MSRA: variants seen among roughly 807,000 people sequenced by gnomAD.
MSRA encodes mitochondrial peptide methionine sulfoxide reductase.
MSRA carries 54 observed loss-of-function variants against 31.3 expected under a neutral mutation model. The observed-to-expected ratio is 1.73, with a 90% CI of 1.39 to 2.17. The LOEUF is 2.17. MSRA is among the 30% of genes most tolerant of loss of function. MSRA has a pLI of 0.00. For synonymous variants in MSRA, 169 were observed against 116.5 expected (o/e 1.45, Z -2.90); for missense variants, 507 against 300.9 (o/e 1.69, Z -5.07).
chr8:10,356,465 A>G (rs1271810744), intron 5 of MSRA, among the ~76,000 whole-genome samples: 2 of 152,200 alleles, frequency 1.3e-5, no homozygotes, highest in Non-Finnish European at 2.9e-5. Context: ...CAATTCTTGT[A>G]ACAGCCACTT....
chr8:10,162,365 G>A (rs1272547707), intron 1 of MSRA, among the ~76,000 whole-genome samples: 2 of 152,304 alleles, frequency 1.3e-5, no homozygotes, highest in East Asian at 3.9e-4. Context: ...ATGGGAGTCT[G>A]GCCATCTGTA....
At chr8:10,390,931 G>A (rs938493013) in intron 5 of MSRA, among the ~76,000 whole-genome samples, 43 of 151,156 alleles carry the variant, frequency 2.8e-4, no homozygotes, top group African/African-American at 1.0e-3. Context: ...AGCCGAGATC[G>A]CGCCACTGCA....
Position 10,207,857 on chromosome 8 carries a change from G to C in MSRA, c.167G>C (p.Arg56Thr). 4 of 1,610,340 alleles carry C rather than the reference G, an allele frequency of 2.5e-6. No homozygotes were observed. The highest frequency in any genetic ancestry group is 3.4e-6 in the Non-Finnish European group (4 of 1,178,560). The change falls in exon 2 of 6, where the codon AGA becomes ACA. Residue 56 changes from arginine (R) to threonine (T), a missense_variant. By Grantham distance (71) the Arg-to-Thr change is moderately conservative. Transcript: ENST00000317173. ...VAAKHHVNGN[R>T]TVEPFPEGTQ... ...GCCAAACATCATGTCAATGGCAACA[G>C]AACAGTCGAACCTTTCCCAGAGGGA... is the stretch of plus-strand genomic sequence containing the variant.
At chr8:10,249,218 C>G (rs1253352016) in intron 3 of MSRA, among the ~76,000 whole-genome samples, 1 of 152,148 alleles carries the variant, frequency 6.6e-6, no homozygotes, top group Non-Finnish European at 1.5e-5. Flanking sequence ...AAAGAAAATG[C>G]AATGAAATCA....
chr8:10,175,304 C>T (rs1423093695), intron 1 of MSRA, among the ~76,000 whole-genome samples: 2 of 152,126 alleles, frequency 1.3e-5, no homozygotes, highest in East Asian at 1.9e-4. Context: ...AGCATGTAAC[C>T]GTATATGCTC....
rs1809334769 is a variant in MSRA at position 10,428,415 on chromosome 8, G to A, written c.*103G>A. On this transcript the variant is annotated 3_prime_UTR_variant, in exon 6 of 6. Transcript: ENST00000317173. ...AATCGTGGCATTTAAAGTGCACAAAGTACAAAGGAATTTATACAGATTGGG... is the reference window on the plus strand; with the variant it reads ...AATCGTGGCATTTAAAGTGCACAAAATACAAAGGAATTTATACAGATTGGG... The A allele has an allele frequency of 8.0e-7, 1 of 1,251,398 alleles. No individual in the cohort carries two copies. Among genetic ancestry groups the A allele is most frequent in the Non-Finnish European group, 1.1e-6 (1 of 891,250 alleles). 77.5% of individuals were successfully genotyped at this position (1,251,398 alleles called of 1,614,324 possible). A position where few individuals can be genotyped will look rare whatever the true frequency, so the allele number is the denominator to read the frequency against.
chr8:10,184,949 G>A (rs1270725415), intron 1 of MSRA, among the ~76,000 whole-genome samples: 1 of 152,188 alleles, frequency 6.6e-6, no homozygotes, highest in African/African-American at 2.4e-5. Flanking sequence ...AAATGATGTT[G>A]AATAAAACAT....
intron 1 of MSRA, among the ~76,000 whole-genome samples, chr8:10,130,596 TA>T (rs1265006530): frequency 1.1e-4 from 16 of 152,086 alleles, no homozygotes; most frequent in Non-Finnish European, 2.4e-4. Flanking sequence ...ACGGAAAAAA[TA>T]ATCTTGGCGT....
intron 5 of MSRA, among the ~76,000 whole-genome samples, chr8:10,387,090 GCTGCTGC>G (rs953310918): frequency 1.6e-4 from 25 of 152,128 alleles, no homozygotes; most frequent in Non-Finnish European, 2.6e-4. Context: ...GGCAGCTGCT[GCTGCTGC>G]CTGCTGCCTG....
chr8:10,408,880 G>A (rs992836320), intron 5 of MSRA, among the ~76,000 whole-genome samples: 2 of 152,182 alleles, frequency 1.3e-5, no homozygotes, highest in African/African-American at 4.8e-5. Flanking sequence ...TCTCCACATT[G>A]CTGCAAAAGA....
chr8:10,290,570 A>T (rs1224705701), intron 3 of MSRA, among the ~76,000 whole-genome samples: 1 of 152,196 alleles, frequency 6.6e-6, no homozygotes, highest in Non-Finnish European at 1.5e-5. Context: ...TGCATATGCC[A>T]GGCCTGCCCC....
intron 3 of MSRA, among the ~76,000 whole-genome samples, chr8:10,248,507 T>C (rs1348297432): frequency 1.3e-5 from 2 of 152,136 alleles, no homozygotes; most frequent in Non-Finnish European, 2.9e-5. Context: ...AACCATCGGC[T>C]CAAGTTTGCT....
intron 3 of MSRA, among the ~76,000 whole-genome samples, chr8:10,276,448 G>T (rs1325221352): frequency 6.6e-6 from 1 of 152,204 alleles, no homozygotes; most frequent in Non-Finnish European, 1.5e-5. Context: ...GACAATTCCG[G>T]CCTCACAATG....
intron 5 of MSRA, among the ~76,000 whole-genome samples, chr8:10,367,729 G>T (rs192793577): frequency 6.6e-6 from 1 of 152,194 alleles, no homozygotes; most frequent in Non-Finnish European, 1.5e-5. Context: ...CTCTGTCTCC[G>T]GCGCTGGCTG....
intron 5 of MSRA, among the ~76,000 whole-genome samples, chr8:10,383,458 G>C (rs1028823031): frequency 3.3e-5 from 5 of 152,182 alleles, no homozygotes; most frequent in African/African-American, 1.2e-4. Flanking sequence ...CTCTAGTGAA[G>C]TAGTTTCAAT....
At chr8:10,187,257 C>A (rs938405836) in intron 1 of MSRA, among the ~76,000 whole-genome samples, 1 of 152,120 alleles carries the variant, frequency 6.6e-6, no homozygotes, top group Non-Finnish European at 1.5e-5. Context: ...GCCGGTGATA[C>A]CTGGAGTGTC....
intron 3 of MSRA, among the ~76,000 whole-genome samples, chr8:10,255,862 G>A (rs528830370): frequency 1.2e-4 from 19 of 152,110 alleles, no homozygotes; most frequent in African/African-American, 4.1e-4. Flanking sequence ...TTAAAGAGCA[G>A]TTTTAGGTTC....
intron 3 of MSRA, among the ~76,000 whole-genome samples, chr8:10,280,655 A>G (rs1445949557): frequency 1.3e-5 from 2 of 152,216 alleles, no homozygotes; most frequent in African/African-American, 2.4e-5. Context: ...TGACTCAGCA[A>G]TTCTACTCTT....
chr8:10,098,371 C>T (rs1406991647), intron 1 of MSRA, among the ~76,000 whole-genome samples: 2 of 152,098 alleles, frequency 1.3e-5, no homozygotes, highest in Non-Finnish European at 2.9e-5. Context: ...TGTACCTGAA[C>T]ATACAAGCAC....
Sources: gnomAD v4.1 joint callset for allele counts (sites outside exome capture counted in the v4.1 genomes callset) on GRCh38, gnomAD v4.1.1 for gene constraint, MANE v1.5 for transcripts, NCBI Gene and HGNC (gene_info 2026-07-23, HGNC 2026-07-21) for gene names.